The following FAM168A variants were observed in gnomAD, a reference collection of about 807,000 sequenced individuals.
FAM168A encodes protein FAM168A.
FAM168A carries 3 observed loss-of-function variants against 28.5 expected under a neutral mutation model. The ratio of observed to expected loss-of-function variants is 0.11; its 90% CI spans 0.05 to 0.27. The LOEUF (loss-of-function observed/expected upper bound fraction) is 0.27, where lower values mean the gene tolerates loss of function less well. FAM168A is among the 10% of genes least tolerant of loss of function. The pLI is 1.00. For missense variants in FAM168A, 222 were observed against 311.5 expected (o/e 0.71, Z 2.16); for synonymous variants, 122 against 124.2 (o/e 0.98, Z 0.12).
intron 1 of FAM168A, among the ~76,000 whole-genome samples, chr11:73,482,299 C>T: frequency 6.7e-6 from 1 of 149,542 alleles, no homozygotes; most frequent in East Asian, 2.0e-4. Context: ...TGAGCAAAAC[C>T]CAAGCCTCCT....
At chr11:73,507,690 C>T (rs1246112455) in intron 1 of FAM168A, among the ~76,000 whole-genome samples, 2 of 152,144 alleles carry the variant, frequency 1.3e-5, no homozygotes, top group Non-Finnish European at 2.9e-5. Context: ...TGGTAGTTTA[C>T]TCATTTGTAA....
chr11:73,571,927 G>A (rs1463397622), intron 1 of FAM168A, among the ~76,000 whole-genome samples: 18 of 146,608 alleles, frequency 1.2e-4, no homozygotes, highest in Admixed American at 1.1e-3. Context: ...TGTGAGGAGC[G>A]CCTCTGCCCA....
chr11:73,518,635 C>T (rs2075379320), intron 1 of FAM168A, among the ~76,000 whole-genome samples: 2 of 152,076 alleles, frequency 1.3e-5, no homozygotes, highest in South Asian at 4.1e-4. Context: ...CAGTGGCTCA[C>T]ACCTGTAATC....
At chr11:73,569,606 G>A (rs1282414909) in intron 1 of FAM168A, among the ~76,000 whole-genome samples, 2 of 152,040 alleles carry the variant, frequency 1.3e-5, no homozygotes, top group East Asian at 3.9e-4. Flanking sequence ...GGCAGATCAC[G>A]AGGTCAGGAG....
intron 2 of FAM168A, among the ~76,000 whole-genome samples, chr11:73,454,113 C>A (rs1339175497): frequency 6.6e-6 from 1 of 152,146 alleles, no homozygotes; most frequent in Non-Finnish European, 1.5e-5. Flanking sequence ...AGTAAGGGTA[C>A]TGAGCTCACC....
chr11:73,411,300 C>T, intron 5 of FAM168A, 94 bp downstream of exon 5: 1 of 1,404,876 alleles, frequency 7.1e-7, no homozygotes, highest in Non-Finnish European at 9.6e-7. Flanking sequence ...AAACCATCCT[C>T]TCCTTCCCTC....
intron 1 of FAM168A, among the ~76,000 whole-genome samples, chr11:73,516,288 A>G (rs561873190): frequency 2.0e-4 from 30 of 152,160 alleles, no homozygotes; most frequent in Non-Finnish European, 4.1e-4. Flanking sequence ...ACCTCATGAA[A>G]GTTACTTAAC....
At chr11:73,544,880 A>G (rs1277902) in intron 1 of FAM168A, among the ~76,000 whole-genome samples, 2 of 95,608 alleles carry the variant, frequency 2.1e-5, no homozygotes, top group African/African-American at 4.7e-5. Context: ...TATATATATT[A>G]TATATAAAAT....
chr11:73,564,176 A>G (rs1943990939), intron 1 of FAM168A, among the ~76,000 whole-genome samples: 1 of 152,184 alleles, frequency 6.6e-6, no homozygotes, highest in Admixed American at 6.5e-5. Context: ...TAAACCAATC[A>G]CTATGGCCGG....
intron 5 of FAM168A, among the ~76,000 whole-genome samples, chr11:73,409,866 T>C (rs1866577629): frequency 6.6e-6 from 1 of 152,210 alleles, no homozygotes; most frequent in African/African-American, 2.4e-5. Flanking sequence ...CTCATAAGGC[T>C]GCTATGATGA....
intron 1 of FAM168A, among the ~76,000 whole-genome samples, chr11:73,594,478 T>C (rs1167912751): frequency 6.6e-6 from 1 of 152,156 alleles, no homozygotes; most frequent in Non-Finnish European, 1.5e-5. Flanking sequence ...TTCAGTGGTA[T>C]TAACTATGTT....
At chr11:73,409,024 A>G (rs959378357) in intron 6 of FAM168A, among the ~76,000 whole-genome samples, 1 of 151,382 alleles carries the variant, frequency 6.6e-6, no homozygotes, top group Non-Finnish European at 1.5e-5. Flanking sequence ...TCCTGTCTCC[A>G]CTCTGCAGCC....
chr11:73,510,698 C>A (rs1029205671), intron 1 of FAM168A: 4 of 361,360 alleles, frequency 1.1e-5, no homozygotes, highest in African/African-American at 2.1e-5. Flanking sequence ...CATATTGTAA[C>A]TTATTACTCC....
In FAM168A at chr11:73,401,080, T is replaced by TTTATTATTATTATTATTATTA. The variant is rs34089809; in HGVS notation, c.*5662_*5682dup. The TTTATTATTATTATTATTATTA allele has an allele frequency of 1.4e-5, 2 of 146,584 alleles. No individual in the cohort carries two copies. The highest frequency in any genetic ancestry group is 6.8e-5 in the Admixed American group (1 of 14,680). The allele number at this position is 146,584 out of a possible 1,614,324, so 9.1% of individuals were successfully genotyped here. A position where few individuals can be genotyped will look rare whatever the true frequency, so the allele number is the denominator to read the frequency against. ...CTACTTGGAAGACACTGGTCAAAGG[T>TTTATTATTATTATTATTATTA]TTATTATTATTATTATTATTATTAT... is the stretch of plus-strand genomic sequence containing the variant. On this transcript the variant is annotated 3_prime_UTR_variant, in exon 8 of 8. Coordinates refer to ENST00000356467, the MANE Select transcript of FAM168A (RefSeq NM_015159.3).
intron 1 of FAM168A, among the ~76,000 whole-genome samples, chr11:73,584,974 CAA>C (rs200009804): frequency 7.2e-6 from 1 of 139,538 alleles, no homozygotes; most frequent in Admixed American, 7.2e-5. Context: ...TCATCTCTAC[CAA>C]AAAAAAAAAA....
chr11:73,573,427 G>A (rs1192251341), intron 1 of FAM168A, among the ~76,000 whole-genome samples: 2 of 152,078 alleles, frequency 1.3e-5, no homozygotes, highest in African/African-American at 4.8e-5. Context: ...CAAATCTCAA[G>A]TCTAAGCTCT....
At chr11:73,430,497 G>A in intron 3 of FAM168A, 193 bp downstream of exon 3, 1 of 561,828 alleles carries the variant, frequency 1.8e-6, no homozygotes, top group South Asian at 1.9e-5. Flanking sequence ...CAGAGTGGAG[G>A]AGATTCTATT....
chr11:73,463,927 C>T (rs936270037), intron 2 of FAM168A, among the ~76,000 whole-genome samples: 1 of 152,016 alleles, frequency 6.6e-6, no homozygotes, highest in Non-Finnish European at 1.5e-5. Flanking sequence ...ATTAAGTGAC[C>T]TTGGAGTTCT....
intron 1 of FAM168A, among the ~76,000 whole-genome samples, chr11:73,561,117 G>A (rs1206659631): frequency 2.0e-5 from 3 of 150,794 alleles, no homozygotes; most frequent in African/African-American, 7.3e-5. Context: ...GCTCATGCCT[G>A]TAATCCCAGC....
Sources: gnomAD v4.1 joint callset for allele counts (sites outside exome capture counted in the v4.1 genomes callset) on GRCh38, gnomAD v4.1.1 for gene constraint, MANE v1.5 for transcripts, NCBI Gene and HGNC (gene_info 2026-07-23, HGNC 2026-07-21) for gene names.